Variants in CEACAM1 observed in about 807,000 individuals in gnomAD.
CEACAM1 encodes the protein CEA cell adhesion molecule 1, also known as cell adhesion molecule CEACAM1.
In CEACAM1, 31 loss-of-function variants were observed where a neutral mutation model predicts 49.1. That is an observed-to-expected ratio of 0.63 (90% CI 0.47 to 0.85). The LOEUF (loss-of-function observed/expected upper bound fraction) is 0.85. Ranked by LOEUF, CEACAM1 falls within the 40% of genes least tolerant of loss-of-function variation. The pLI is 0.00. For missense variants in CEACAM1, 570 were observed against 645.3 expected, an observed-to-expected ratio of 0.88 and a Z score of 1.26; for synonymous variants, 244 against 247.8, an observed-to-expected ratio of 0.98 and a Z score of 0.14.
chr19:42,511,087 G>A, intron 7 of CEACAM1, 167 bp from the exon 8 acceptor site: 2 of 655,148 alleles, frequency 3.1e-6, no homozygotes, highest in Non-Finnish European at 5.5e-6. Flanking sequence ...GTACCAGAGA[G>A]GGGGCAGGGG....
chr19:42,526,959 G>T, intron 2 of CEACAM1, 82 bp downstream of exon 2: 1 of 1,559,788 alleles, frequency 6.4e-7, no homozygotes, highest in Non-Finnish European at 8.6e-7. Flanking sequence ...GGAGGACACA[G>T]GCACAGCCCA....
chr19:42,509,206 G>T lies in CEACAM1; in HGVS notation c.1484C>A (p.Thr495Asn). ...GGGTTGCTGGGCTTCAAAGTTCAGG[G>T]TAGAATAAGTAACTTCATTCATCTG... ...PNKMNEVTYS[T>N]LNFEAQQPTQ... The change falls in exon 9 of 9, where the codon ACC becomes AAC. Residue 495 changes from threonine (T) to asparagine (N), a missense_variant. By Grantham distance (65) the Thr-to-Asn change is moderately conservative. Coordinates refer to ENST00000161559, the MANE Select transcript of CEACAM1 (RefSeq NM_001712.5). 6.2e-7 allele frequency: 1 copy of T among 1,612,276 alleles called. No individual in the cohort carries two copies. The highest frequency in any genetic ancestry group is 8.5e-7 in the Non-Finnish European group (1 of 1,179,154).
rs943573065 is a variant in CEACAM1 at position 42,521,954 on chromosome 19, G to T, written c.673C>A (p.Arg225Ser). The part of the protein sequence containing the change: ...CEIQNPVSAN[R>S]SDPVTLNVTY... ...ACATTCAAGGTGACTGGGTCACTGC[G>T]GTTCGCACTCACTGGGTTCTGTATT... Residue 225 changes from arginine (R) to serine (S), a missense_variant, in exon 3 of 9, where the codon CGC (arginine) becomes AGC (serine). Coordinates refer to ENST00000161559, the MANE Select transcript of CEACAM1 (RefSeq NM_001712.5). 1 of 1,614,216 alleles carries T rather than the reference G, an allele frequency of 6.2e-7. No individual in the cohort carries two copies. The highest frequency in any genetic ancestry group is 8.5e-7 in the Non-Finnish European group (1 of 1,180,042).
chr19:42,522,117 C>A lies in CEACAM1; in HGVS notation c.510G>T (p.Glu170Asp). The A allele has an allele frequency of 6.2e-7, 1 of 1,614,198 alleles. No individual in the cohort carries two copies. Among genetic ancestry groups the A allele is most frequent in the Non-Finnish European group, 8.5e-7 (1 of 1,180,038 alleles). ...KDAVAFTCEP[E>D]TQDTTYLWWI... ...ACCACAGGTAGGTTGTGTCCTGAGT[C>A]TCAGGTTCACAGGTGAAGGCCACAG... Residue 170 changes from glutamate (E) to aspartate (D), a missense_variant, in exon 3 of 9, where the codon GAG becomes GAT. By Grantham distance (45) the Glu-to-Asp change is conservative. Coordinates refer to ENST00000161559, the MANE Select transcript of CEACAM1 (RefSeq NM_001712.5).
intron 8 of CEACAM1, among the ~76,000 whole-genome samples, chr19:42,509,985 C>G (rs2041417503): frequency 6.6e-6 from 1 of 152,014 alleles, no homozygotes; most frequent in Non-Finnish European, 1.5e-5. Context: ...GTGCTGCTTA[C>G]CTGGGTGTGT....
rs763546036 is a variant in CEACAM1 at position 42,511,643 on chromosome 19, G to C, written c.1377-15C>G. On this transcript the variant is annotated splice_polypyrimidine_tract_variant and intron_variant, in intron 6 of 8. Transcript: ENST00000161559. The stretch of plus-strand genomic sequence containing the variant: ...GGTCGCTTGCCCTAAATAAATATCA[G>C]AAACTGTGACTGCTATTCCCAAGCA... The C allele has an allele frequency of 6.2e-7, 1 of 1,613,338 alleles. No homozygotes were observed. Among genetic ancestry groups the C allele is most frequent in the Non-Finnish European group, 8.5e-7 (1 of 1,179,366 alleles).
intron 4 of CEACAM1, 185 bp from the exon 5 acceptor site, chr19:42,519,420 A>T (rs1334282422): frequency 3.3e-6 from 2 of 606,330 alleles, no homozygotes; most frequent in Non-Finnish European, 5.8e-6. Flanking sequence ...TGTTCAGGTG[A>T]TGAATTGTAA....
intron 4 of CEACAM1, chr19:42,521,046 C>T (rs945644080): frequency 7.5e-5 from 41 of 547,114 alleles, no homozygotes; most frequent in Admixed American, 3.7e-4. Context: ...AGAGAACCCC[C>T]TCCCCACATT....
intron 7 of CEACAM1, 83 bp downstream of exon 7, chr19:42,511,493 G>T: frequency 8.7e-7 from 1 of 1,152,132 alleles, no homozygotes; most frequent in Non-Finnish European, 1.3e-6. Flanking sequence ...GGAGGGAGTG[G>T]TTTGGGAATC....
At chr19:42,524,860 G>A (rs1386175777) in intron 2 of CEACAM1, among the ~76,000 whole-genome samples, 1 of 152,074 alleles carries the variant, frequency 6.6e-6, no homozygotes, top group Non-Finnish European at 1.5e-5. Flanking sequence ...TCCCACAGCC[G>A]AGCAGCCCCA....
At chr19:42,512,628 T>A in intron 5 of CEACAM1, 149 bp from the exon 6 acceptor site, 1 of 686,424 alleles carries the variant, frequency 1.5e-6, no homozygotes, top group Non-Finnish European at 2.4e-6. Context: ...GGTGATTAGC[T>A]AACTATATCC....
chr19:42,528,282 C>T (rs370168049), intron 1 of CEACAM1, 29 bp downstream of exon 1: 64 of 1,603,892 alleles, frequency 4.0e-5, no homozygotes, highest in Middle Eastern at 1.7e-4. Context: ...GCCCTCTTTC[C>T]GCCCCTTCCC....
chr19:42,509,017 C>G lies in CEACAM1; in HGVS notation c.*92G>C. 2 of 1,513,998 alleles carry G rather than the reference C, an allele frequency of 1.3e-6. No individual in the cohort carries two copies. The highest frequency in any genetic ancestry group is 1.8e-6 in the Non-Finnish European group (2 of 1,102,716). The allele number at this position is 1,513,998 out of a possible 1,614,324, so 93.8% of individuals were successfully genotyped here. A position where few individuals can be genotyped will look rare whatever the true frequency, so the allele number is the denominator to read the frequency against. ...TAGGAGAAAGTTGTTTCTGTCCCCACCCCTCTACCCCTACAGGGGAAAGGA... is the reference window on the plus strand; with the variant it reads ...TAGGAGAAAGTTGTTTCTGTCCCCAGCCCTCTACCCCTACAGGGGAAAGGA... On this transcript the variant is annotated 3_prime_UTR_variant, in exon 9 of 9. Coordinates refer to ENST00000161559, the MANE Select transcript of CEACAM1 (RefSeq NM_001712.5).
intron 5 of CEACAM1, among the ~76,000 whole-genome samples, chr19:42,517,120 G>T (rs183455627): frequency 5.6e-4 from 85 of 152,284 alleles, no homozygotes; most frequent in African/African-American, 1.9e-3. Flanking sequence ...GAAGAAACTG[G>T]ATATCCATGC....
chr19:42,511,138 A>T, intron 7 of CEACAM1: 1 of 600,414 alleles, frequency 1.7e-6, no homozygotes, highest in Non-Finnish European at 3.0e-6. Flanking sequence ...GAAGAGTTCT[A>T]CCAGTTCACA....
At chr19:42,511,100 G>C in intron 7 of CEACAM1, 180 bp from the exon 8 acceptor site, 1 of 629,612 alleles carries the variant, frequency 1.6e-6, no homozygotes. Flanking sequence ...GGCAGGGGCA[G>C]AACCACAGGA....
chr19:42,523,894 C>T (rs948965006), intron 2 of CEACAM1, among the ~76,000 whole-genome samples: 2 of 152,154 alleles, frequency 1.3e-5, no homozygotes, highest in African/African-American at 2.4e-5. Context: ...AGAAGGGACT[C>T]ATGGGTCCTG....
At chr19:42,528,203 T>A in intron 1 of CEACAM1, 108 bp downstream of exon 1, 1 of 896,918 alleles carries the variant, frequency 1.1e-6, no homozygotes, top group Non-Finnish European at 1.7e-6. Flanking sequence ...CCTATTTGGC[T>A]CCAAGAGAAG....
At chr19:42,511,285 G>A (rs777947527) in intron 7 of CEACAM1, 33 of 572,572 alleles carry the variant, frequency 5.8e-5, no homozygotes, top group Non-Finnish European at 9.0e-5. Context: ...ATCCGTAATA[G>A]AGGCAGGAGG....
Sources: allele counts gnomAD v4.1 joint callset (sites outside exome capture counted in the v4.1 genomes callset), GRCh38; gene constraint gnomAD v4.1.1; transcripts MANE v1.5; gene names NCBI Gene and HGNC (gene_info 2026-07-23, HGNC 2026-07-21).